FGF13: variants seen among roughly 807,000 people sequenced by gnomAD.
The protein encoded by FGF13 is fibroblast growth factor homologous factor 2.
Under a neutral mutation model 19.5 loss-of-function variants are expected in FGF13, and 2 were observed. The ratio of observed to expected loss-of-function variants is 0.10; its 90% CI spans 0.04 to 0.32. The LOEUF (loss-of-function observed/expected upper bound fraction) is 0.32. Ranked by LOEUF, FGF13 falls within the 10% of genes least tolerant of loss-of-function variation. The probability of loss-of-function intolerance (pLI) is 1.00; values close to 1 mark genes in which losing one functional copy is unlikely to be tolerated. For synonymous variants in FGF13, 72 were observed against 76.9 expected (o/e 0.94, Z 0.33); for missense variants, 113 against 192.7 (o/e 0.59, Z 2.45).
intron 1 of FGF13, among the ~76,000 whole-genome samples, chrX:138,907,141 A>T (rs2091562607): frequency 9.0e-6 from 1 of 111,521 alleles, no homozygotes; most frequent in African/African-American, 3.3e-5. Context: ...GACACAGAGA[A>T]TGTAGATTCC....
At chrX:138,760,184 T>C (rs1171526524) in intron 3 of FGF13, among the ~76,000 whole-genome samples, 3 of 111,623 alleles carry the variant, frequency 2.7e-5, no homozygotes, top group Non-Finnish European at 3.8e-5. Context: ...ATGTTATTTA[T>C]ATTGTCGTGC....
At chrX:139,081,122 G>GC (rs1191698924) in intron 1 of FGF13, among the ~76,000 whole-genome samples, 1 of 110,285 alleles carries the variant, frequency 9.1e-6, no homozygotes, top group Non-Finnish European at 1.9e-5. Context: ...CTTTTGAAAT[G>GC]CCCCCCACGC....
At chrX:139,006,124 C>T (rs1223829431) in intron 1 of FGF13, among the ~76,000 whole-genome samples, 1 of 111,032 alleles carries the variant, frequency 9.0e-6, no homozygotes, top group Non-Finnish European at 1.9e-5. Flanking sequence ...AAGACTATCT[C>T]AAGGCATTTA....
intron 3 of FGF13, among the ~76,000 whole-genome samples, chrX:138,850,154 G>C (rs1005465206): frequency 5.4e-5 from 6 of 111,464 alleles, no homozygotes; most frequent in African/African-American, 2.0e-4. Context: ...TTATTAGTTT[G>C]TACTCTAAAA....
chrX:138,851,195 A>T (rs1273271076), intron 3 of FGF13, among the ~76,000 whole-genome samples: 1 of 112,083 alleles, frequency 8.9e-6, no homozygotes, highest in Non-Finnish European at 1.9e-5. Context: ...TGCTGCAGTG[A>T]ACATATGTAT....
intron 3 of FGF13, among the ~76,000 whole-genome samples, chrX:138,755,767 G>A (rs2090427814): frequency 8.9e-6 from 1 of 112,206 alleles, no homozygotes; most frequent in Non-Finnish European, 1.9e-5. Context: ...GGGAGACAAA[G>A]GTTCAGAGAG....
At chrX:138,645,910 G>A (rs1287085372) in intron 3 of FGF13, among the ~76,000 whole-genome samples, 1 of 111,750 alleles carries the variant, frequency 8.9e-6, no homozygotes, top group Non-Finnish European at 1.9e-5. Flanking sequence ...TGATAATAAA[G>A]GGATTTGTGA....
chrX:138,695,886 T>C (rs780093685), intron 3 of FGF13, among the ~76,000 whole-genome samples: 2 of 112,082 alleles, frequency 1.8e-5, no homozygotes, highest in Non-Finnish European at 3.8e-5. Context: ...ACATGTTAAA[T>C]TCTAGTTGGG....
chrX:138,770,792 T>C (rs1230084481), intron 3 of FGF13, among the ~76,000 whole-genome samples: 1 of 111,664 alleles, frequency 9.0e-6, no homozygotes, highest in Non-Finnish European at 1.9e-5. Context: ...ACTGCCTTCA[T>C]GCAAATTATA....
chrX:138,941,456 G>T (rs745498814), intron 1 of FGF13, among the ~76,000 whole-genome samples: 16 of 111,604 alleles, frequency 1.4e-4, no homozygotes, highest in Middle Eastern at 4.6e-3. Context: ...ATTCACAATT[G>T]CCACAAAAAG....
chrX:138,767,044 G>A (rs774379667), intron 3 of FGF13, among the ~76,000 whole-genome samples: 1 of 111,713 alleles, frequency 9.0e-6, no homozygotes, highest in South Asian at 3.8e-4. Flanking sequence ...AGGCCCAGGT[G>A]CTCAAGGACG....
chrX:139,189,367 T>C (rs914035591), intron 1 of FGF13, among the ~76,000 whole-genome samples: 1 of 110,909 alleles, frequency 9.0e-6, no homozygotes, highest in Non-Finnish European at 1.9e-5. Flanking sequence ...TTCACAAGAG[T>C]CAGAAGATGA....
chrX:139,191,517 C>T (rs2084329137), intron 1 of FGF13, among the ~76,000 whole-genome samples: 1 of 111,772 alleles, frequency 8.9e-6, no homozygotes, highest in Non-Finnish European at 1.9e-5. Context: ...TCCTATACAG[C>T]CTGAACCCCC....
At chrX:139,180,739 T>C (rs1375029071) in intron 1 of FGF13, among the ~76,000 whole-genome samples, 2 of 111,165 alleles carry the variant, frequency 1.8e-5, no homozygotes, top group Admixed American at 1.9e-4. Context: ...CGATCTAAAC[T>C]GTACAGGTTG....
At chrX:138,635,722 G>T in intron 3 of FGF13, 67 bp from the exon 4 acceptor site, 1 of 884,773 alleles carries the variant, frequency 1.1e-6, no homozygotes, top group Admixed American at 2.5e-5. Context: ...GAATCATGTG[G>T]TATTGCCTTT....
intron 3 of FGF13, among the ~76,000 whole-genome samples, chrX:138,669,257 G>C (rs1286390866): frequency 1.8e-5 from 2 of 110,630 alleles, no homozygotes; most frequent in African/African-American, 6.6e-5. Context: ...AAAAAGAAGA[G>C]GAACTTTTCT....
upstream of FGF13, among the ~76,000 whole-genome samples, chrX:138,713,439 A>G (rs756414760): frequency 4.9e-4 from 55 of 111,717 alleles, no homozygotes; most frequent in Non-Finnish European, 9.6e-4. Context: ...TGGGTGATGA[A>G]CAGGTACAAG....
intron 1 of FGF13, among the ~76,000 whole-genome samples, chrX:138,979,968 CTGAA>C (rs1157834586): frequency 9.0e-6 from 1 of 111,671 alleles, no homozygotes; most frequent in Non-Finnish European, 1.9e-5. Flanking sequence ...TTCCCATAAA[CTGAA>C]TGAGTTAATT....
At chrX:139,072,266 T>G (rs1420358629) in intron 1 of FGF13, among the ~76,000 whole-genome samples, 5 of 103,040 alleles carry the variant, frequency 4.9e-5, no homozygotes, top group Non-Finnish European at 7.9e-5. Context: ...AATATCTCTC[T>G]CTCTCTCTCT....
Sources: gnomAD v4.1 joint callset for allele counts (sites outside exome capture counted in the v4.1 genomes callset) on GRCh38, gnomAD v4.1.1 for gene constraint, MANE v1.5 for transcripts, NCBI Gene and HGNC (gene_info 2026-07-23, HGNC 2026-07-21) for gene names.